Variants in STX2 observed in about 807,000 individuals in gnomAD.
The protein encoded by STX2 is syntaxin 2.
Under a neutral mutation model 40.6 loss-of-function variants are expected in STX2, and 27 were observed. The ratio of observed to expected loss-of-function variants is 0.66; its 90% CI spans 0.49 to 0.92. The LOEUF is 0.92. Ranked by LOEUF, STX2 falls within the 40% of genes least tolerant of loss-of-function variation. The probability of loss-of-function intolerance (pLI) is 0.00; values close to 1 mark genes in which losing one functional copy is unlikely to be tolerated. For missense variants in STX2, 328 were observed against 366.1 expected (o/e 0.90, Z 0.85); for synonymous variants, 123 against 119.1 (o/e 1.03, Z -0.22).
In STX2 at chr12:130,815,849, G is replaced by C. The variant is rs574921688; in HGVS notation, c.206-2818C>G. Among the ~76,000 whole-genome samples, 5 of 152,272 alleles carry C rather than the reference G, an allele frequency of 3.3e-5. No homozygotes were observed. In the East Asian group the frequency reaches 9.6e-4, roughly 29 times the overall value. On this transcript the variant is annotated intron_variant, in intron 3 of 10. Transcript: ENST00000392373. ...AATATGTAAGTTACTTCCATTTTAT[G>C]TCTCCTTCATATTAGTTTGGATATT...
At chr12:130,800,799 G>A (rs754909671) in intron 8 of STX2, among the ~76,000 whole-genome samples, 1 of 152,096 alleles carries the variant, frequency 6.6e-6, no homozygotes, top group African/African-American at 2.4e-5. Flanking sequence ...ACATATGTAC[G>A]GGCATACACA....
At chr12:130,837,600 A>C (rs1194930115) in intron 1 of STX2, among the ~76,000 whole-genome samples, 2 of 151,886 alleles carry the variant, frequency 1.3e-5, no homozygotes, top group Non-Finnish European at 2.9e-5. Context: ...TAATTTTTTA[A>C]TTTTTTTCGA....
At chr12:130,795,877 T>G in intron 10 of STX2, 118 bp downstream of exon 10, 1 of 1,227,788 alleles carries the variant, frequency 8.1e-7, no homozygotes, top group Non-Finnish European at 1.1e-6. Flanking sequence ...CTAGATGGCA[T>G]TATCTGTACT....
At chr12:130,834,751 A>G (rs7954011) in intron 1 of STX2, among the ~76,000 whole-genome samples, 18,706 of 152,304 alleles carry the variant, frequency 0.12, 1,427 homozygotes, top group African/African-American at 0.21. Context: ...CACACAAAAT[A>G]TAAAAATTTG....
intron 3 of STX2, among the ~76,000 whole-genome samples, chr12:130,814,884 C>T (rs967556168): frequency 6.6e-6 from 1 of 152,238 alleles, no homozygotes; most frequent in African/African-American, 2.4e-5. Context: ...ATCCGCCCAC[C>T]TCAGCCTCCC....
chr12:130,824,609 A>G (rs1405876713), intron 2 of STX2, among the ~76,000 whole-genome samples: 1 of 152,166 alleles, frequency 6.6e-6, no homozygotes, highest in Non-Finnish European at 1.5e-5. Context: ...GTCCGGGAAT[A>G]ACATAGCACA....
At chr12:130,799,328 TC>T (rs1240516509) in intron 8 of STX2, among the ~76,000 whole-genome samples, 1 of 152,166 alleles carries the variant, frequency 6.6e-6, no homozygotes, top group East Asian at 1.9e-4. Flanking sequence ...CCAACAGACT[TC>T]TAAAAGGAAA....
At chr12:130,809,925 C>CA (rs1369438360) in intron 4 of STX2, among the ~76,000 whole-genome samples, 1 of 152,136 alleles carries the variant, frequency 6.6e-6, no homozygotes, top group Non-Finnish European at 1.5e-5. Flanking sequence ...CTCGGGGGAT[C>CA]ACTTCAGCCT....
intron 10 of STX2, among the ~76,000 whole-genome samples, chr12:130,795,709 C>A (rs919689679): frequency 1.3e-5 from 2 of 152,174 alleles, no homozygotes; most frequent in African/African-American, 4.8e-5. Context: ...CACTGCATTC[C>A]AGCCTGGGTG....
At chr12:130,819,322 C>T (rs767889073) in intron 3 of STX2, among the ~76,000 whole-genome samples, 1 of 151,708 alleles carries the variant, frequency 6.6e-6, no homozygotes, top group Non-Finnish European at 1.5e-5. Context: ...CTCCCTCCCA[C>T]CCTCCCCTCT....
At chr12:130,827,906 G>C (rs1015346533) in intron 1 of STX2, among the ~76,000 whole-genome samples, 1 of 152,194 alleles carries the variant, frequency 6.6e-6, no homozygotes, top group African/African-American at 2.4e-5. Context: ...AGGACTACCT[G>C]AACCTGGCAG....
rs144410878 is a variant in STX2 at position 130,836,688 on chromosome 12, A to G, written c.30+2382T>C. Among the ~76,000 whole-genome samples, 3 of 152,338 alleles carry G rather than the reference A, an allele frequency of 2.0e-5. No individual in the cohort carries two copies. The East Asian group carries it at 5.8e-4, about 29-fold the overall frequency. On this transcript the variant is annotated intron_variant, in intron 1 of 10. Transcript: ENST00000392373. ...CTTCTCCCAGAGCTTCACACATTAG[A>G]TAATTTTATGCTTCATAACTCCCTC...
intron 6 of STX2, among the ~76,000 whole-genome samples, chr12:130,806,671 C>G (rs986407620): frequency 1.3e-5 from 2 of 152,106 alleles, no homozygotes; most frequent in African/African-American, 4.8e-5. Flanking sequence ...AAGATGCCCC[C>G]GAACCAGGGC....
chr12:130,799,326 C>T (rs1951138270), intron 8 of STX2, among the ~76,000 whole-genome samples: 1 of 152,208 alleles, frequency 6.6e-6, no homozygotes, highest in Non-Finnish European at 1.5e-5. Context: ...TACCAACAGA[C>T]TTCTAAAAGG....
chr12:130,810,276 G>A (rs1951598643), intron 4 of STX2, among the ~76,000 whole-genome samples: 1 of 152,256 alleles, frequency 6.6e-6, no homozygotes. Context: ...CCCTTATTAA[G>A]TAAAAATCCT....
chr12:130,829,542 G>A (rs1952476694), intron 1 of STX2, among the ~76,000 whole-genome samples: 1 of 152,174 alleles, frequency 6.6e-6, no homozygotes, highest in African/African-American at 2.4e-5. Flanking sequence ...AGGTGGCCAG[G>A]TCCCACAGAC....
At chr12:130,838,197 G>A (rs1388249992) in intron 1 of STX2, among the ~76,000 whole-genome samples, 1 of 152,220 alleles carries the variant, frequency 6.6e-6, no homozygotes, top group Non-Finnish European at 1.5e-5. Context: ...GTATTGTAAA[G>A]GGAAAAAGTC....
At chr12:130,815,872 A>G (rs2136298566) in intron 3 of STX2, among the ~76,000 whole-genome samples, 1 of 152,288 alleles carries the variant, frequency 6.6e-6, no homozygotes, top group African/African-American at 2.4e-5. Flanking sequence ...TAGTTTGGAT[A>G]TTATATGTTT....
rs748822533 is a variant in STX2 at position 130,791,962 on chromosome 12, T to C, written c.*61A>G. The C allele has an allele frequency of 3.7e-6, 6 of 1,605,962 alleles. No homozygotes were observed. The highest frequency in any genetic ancestry group is 5.1e-6 in the Non-Finnish European group (6 of 1,174,676). ...ACAAGCAAAACAATTACACAAATAA[T>C]AATGAACATCAATTTCTGCAAGATA... On this transcript the variant is annotated 3_prime_UTR_variant, in exon 11 of 11. Coordinates refer to ENST00000392373, the MANE Select transcript of STX2 (RefSeq NM_194356.4).
Sources: gnomAD v4.1 joint callset for allele counts (sites outside exome capture counted in the v4.1 genomes callset) on GRCh38, gnomAD v4.1.1 for gene constraint, MANE v1.5 for transcripts, NCBI Gene and HGNC (gene_info 2026-07-23, HGNC 2026-07-21) for gene names.